SNPH: variants seen among roughly 807,000 people sequenced by gnomAD.
SNPH encodes syntaphilin.
Under a neutral mutation model 36.8 loss-of-function variants are expected in SNPH, and 10 were observed. The ratio of observed to expected loss-of-function variants is 0.27; its 90% CI spans 0.17 to 0.46. The LOEUF is 0.46. SNPH is among the 20% of genes least tolerant of loss of function. The pLI is 1.00. For missense variants in SNPH, 622 were observed against 744.0 expected (o/e 0.84, Z 1.91); for synonymous variants, 281 against 312.2 (o/e 0.90, Z 1.05).
chr20:1,303,059 A>C (rs981616928), intron 6 of SNPH, among the ~76,000 whole-genome samples: 7 of 152,228 alleles, frequency 4.6e-5, no homozygotes, highest in Non-Finnish European at 1.5e-5. Context: ...CTCCCTGGTC[A>C]CTGTCTGCCT....
At chr20:1,298,242 C>T (rs937685641) in intron 5 of SNPH, among the ~76,000 whole-genome samples, 4 of 152,186 alleles carry the variant, frequency 2.6e-5, no homozygotes, top group African/African-American at 7.2e-5. Flanking sequence ...ATCTACACAC[C>T]GCCTGTGCAT....
rs980687232 is a variant in SNPH at position 1,285,304 on chromosome 20, G to T, written c.-492-9647G>T. ...TCCTGTTGTTTGGTAGACAATGACC[G>T]GTTTAGGGTTTTTCTTTCCTTTTCT... On this transcript the variant is annotated intron_variant, in intron 2 of 6. Coordinates refer to ENST00000381867, the MANE Select transcript of SNPH (RefSeq NM_001318234.2). The surrounding 1 kb of genome is among the most constrained non-coding windows in gnomAD (Gnocchi z 4.9). 1.3e-5 allele frequency among the ~76,000 whole-genome samples: 2 copies of T among 152,150 alleles called. No individual in the cohort carries two copies. Among genetic ancestry groups the T allele is most frequent in the East Asian group, 3.9e-4 (2 of 5,194 alleles).
chr20:1,302,782 T>C (rs1263391751), intron 6 of SNPH, among the ~76,000 whole-genome samples: 1 of 152,214 alleles, frequency 6.6e-6, no homozygotes, highest in Non-Finnish European at 1.5e-5. Flanking sequence ...CCAATCCGGT[T>C]TGGATTTGTT....
At position 1,305,553 on chromosome 20, in the gene SNPH, C is replaced by T. The variant is rs766055631; in HGVS notation, c.1116C>T (p.Ile372=). 1.2e-6 allele frequency: 2 copies of T among 1,613,442 alleles called. No homozygotes were observed. Among genetic ancestry groups the T allele is most frequent in the East Asian group, 2.2e-5 (1 of 44,896 alleles). ...FVQYQPDLDT[I]LEKVTQAQVC... ...AGTACCAGCCTGACCTTGACACCAT[C>T]CTGGAGAAAGTGACCCAGGCCCAGG... Residue 372 remains isoleucine, a synonymous_variant, in exon 7 of 7, where the codon ATC becomes ATT. Transcript: ENST00000381867.
intron 2 of SNPH, among the ~76,000 whole-genome samples, chr20:1,275,999 C>T (rs1377601005): frequency 6.6e-6 from 1 of 152,226 alleles, no homozygotes; most frequent in African/African-American, 2.4e-5. Flanking sequence ...AGGGGACCCA[C>T]TTCCAACTCC....
chr20:1,306,352 C>G lies in SNPH; in HGVS notation c.*298C>G. ...CGGCCCCTCTGTCCCCTTGGCTCTTCAGACAGGGCCAGCCCTGCTCAGGAA... is the reference window on the plus strand; with the variant it reads ...CGGCCCCTCTGTCCCCTTGGCTCTTGAGACAGGGCCAGCCCTGCTCAGGAA... On this transcript the variant is annotated 3_prime_UTR_variant, in exon 7 of 7. Transcript: ENST00000381867. The G allele has an allele frequency of 3.2e-6, 1 of 312,892 alleles. No homozygotes were observed. Among genetic ancestry groups the G allele is most frequent in the South Asian group, 9.5e-5 (1 of 10,512 alleles). 19.4% of individuals were successfully genotyped at this position (312,892 alleles called of 1,614,324 possible). A position where few individuals can be genotyped will look rare whatever the true frequency, so the allele number is the denominator to read the frequency against.
intron 2 of SNPH, among the ~76,000 whole-genome samples, chr20:1,289,417 C>G (rs900276152): frequency 2.0e-5 from 3 of 152,054 alleles, no homozygotes; most frequent in Non-Finnish European, 2.9e-5. Flanking sequence ...GGCTCTTGCT[C>G]CCCTTCTGCT....
At position 1,304,357 on chromosome 20, in the gene SNPH, C is replaced by T. The variant is rs550459214; in HGVS notation, c.441-521C>T. Among the ~76,000 whole-genome samples, 57 of 152,248 alleles carry T rather than the reference C, an allele frequency of 3.7e-4. No individual in the cohort carries two copies. The highest frequency in any genetic ancestry group is 6.9e-4 in the Non-Finnish European group (47 of 68,022). On this transcript the variant is annotated intron_variant, in intron 6 of 6. Coordinates refer to ENST00000381867, the MANE Select transcript of SNPH (RefSeq NM_001318234.2). This position sits in a 1 kb window ranked among gnomAD's most constrained non-coding sequence, Gnocchi z 4.3. ...ACATTGAAAGCTGTCATTTCTCTCC[C>T]CTGGGGTCTCTGGCCAAATATTCCT...
chr20:1,294,659 C>A lies in SNPH; in HGVS notation c.-492-292C>A, dbSNP rs1171974004. 6.6e-6 allele frequency among the ~76,000 whole-genome samples: 1 copy of A among 152,230 alleles called. No individual in the cohort carries two copies. Among genetic ancestry groups the A allele is most frequent in the African/African-American group, 2.4e-5 (1 of 41,466 alleles). On this transcript the variant is annotated intron_variant, in intron 2 of 6. Transcript: ENST00000381867. The surrounding 1 kb of genome is among the most constrained non-coding windows in gnomAD (Gnocchi z 4.4). The stretch of plus-strand genomic sequence containing the variant: ...ACCCTCCAGGGGAACAGGCTGTGTT[C>A]TATGTCCCCGCCAGGAAACAGGCCA...
rs1161916181 is a variant in SNPH at position 1,294,219 on chromosome 20, T to G, written c.-492-732T>G. On this transcript the variant is annotated intron_variant, in intron 2 of 6. Transcript: ENST00000381867. This position sits in a 1 kb window ranked among gnomAD's most constrained non-coding sequence, Gnocchi z 4.4. The stretch of plus-strand genomic sequence containing the variant: ...AACAAAGCCGGCCTTGAAGGATTGC[T>G]GCTTCAAGTAATGGGCCAAGGCAGA... Among the ~76,000 whole-genome samples the G allele has an allele frequency of 2.0e-5, 3 of 152,218 alleles. No homozygotes were observed. The highest frequency in any genetic ancestry group is 4.4e-5 in the Non-Finnish European group (3 of 68,038).
rs2088004412 is a variant in SNPH, at chr20:1,266,414, C to T, written c.-600+17C>T. 6.4e-6 allele frequency: 3 copies of T among 467,778 alleles called. No homozygotes were observed. In the South Asian group the frequency reaches 1.2e-4, roughly 18 times the overall value. 29.0% of individuals were successfully genotyped at this position (467,778 alleles called of 1,614,324 possible). On this transcript the variant is annotated intron_variant, in intron 1 of 6. Coordinates refer to ENST00000381867, the MANE Select transcript of SNPH (RefSeq NM_001318234.2). This position sits in a 1 kb window ranked among gnomAD's most constrained non-coding sequence, Gnocchi z 6.0. Reference sequence around the variant, plus strand: ...CCTCCGCAGGTGATGACAAGGACCCCGGGGATCTCCGGGCCCACCGCCCAG... The same window carrying T: ...CCTCCGCAGGTGATGACAAGGACCCTGGGGATCTCCGGGCCCACCGCCCAG...
intron 5 of SNPH, among the ~76,000 whole-genome samples, chr20:1,299,726 G>A (rs1205626952): frequency 6.6e-6 from 1 of 152,228 alleles, no homozygotes; most frequent in African/African-American, 2.4e-5. Context: ...CCCCGGAGGT[G>A]AAAGTGTGAA....
At chr20:1,283,880 C>T (rs896326567) in intron 2 of SNPH, among the ~76,000 whole-genome samples, 2 of 152,190 alleles carry the variant, frequency 1.3e-5, no homozygotes, top group East Asian at 1.9e-4. Flanking sequence ...CCCCCAGGCT[C>T]GCCTTTGCCC....
intron 4 of SNPH, 41 bp downstream of exon 4, chr20:1,296,462 G>A (rs1335689670): frequency 7.1e-6 from 11 of 1,550,648 alleles, no homozygotes; most frequent in South Asian, 3.6e-5. Context: ...TTCGGAGGGC[G>A]GGAGGAGGGC....
chr20:1,304,500 T>C lies in SNPH; in HGVS notation c.441-378T>C, dbSNP rs1430256737. On this transcript the variant is annotated intron_variant, in intron 6 of 6. Coordinates refer to ENST00000381867, the MANE Select transcript of SNPH (RefSeq NM_001318234.2). The surrounding 1 kb of genome is among the most constrained non-coding windows in gnomAD (Gnocchi z 4.3). ...TCACATTAAGATTTTATTAGGTTTT[T>C]ATAGCAGTAGCTATAAAACTTATGA... 1.3e-5 allele frequency among the ~76,000 whole-genome samples: 2 copies of C among 152,114 alleles called. No individual in the cohort carries two copies. Among genetic ancestry groups the C allele is most frequent in the Non-Finnish European group, 1.5e-5 (1 of 68,016 alleles).
chr20:1,288,193 T>C (rs1192930260), intron 2 of SNPH, among the ~76,000 whole-genome samples: 1 of 152,196 alleles, frequency 6.6e-6, no homozygotes, highest in African/African-American at 2.4e-5. Context: ...AAGAATTATT[T>C]CTGAAGAAGG....
intron 2 of SNPH, among the ~76,000 whole-genome samples, chr20:1,289,849 TA>T (rs2088335430): frequency 1.3e-5 from 2 of 151,870 alleles, no homozygotes; most frequent in Non-Finnish European, 2.9e-5. Context: ...ATTAAATATA[TA>T]TCACATGTAT....
intron 6 of SNPH, among the ~76,000 whole-genome samples, chr20:1,302,734 A>G (rs1468261009): frequency 1.3e-5 from 2 of 152,260 alleles, no homozygotes; most frequent in African/African-American, 4.8e-5. Flanking sequence ...CGCTGTATGC[A>G]TGACCACATC....
intron 6 of SNPH, among the ~76,000 whole-genome samples, chr20:1,302,839 A>G (rs1188563102): frequency 6.6e-6 from 1 of 152,222 alleles, no homozygotes; most frequent in Non-Finnish European, 1.5e-5. Context: ...AGCGAGCTTC[A>G]TTGTCGGCAG....
Sources: allele counts gnomAD v4.1 joint callset (sites outside exome capture counted in the v4.1 genomes callset), GRCh38; gene constraint gnomAD v4.1.1; non-coding constraint Gnocchi (gnomAD v3.1); transcripts MANE v1.5; gene names NCBI Gene and HGNC (gene_info 2026-07-23, HGNC 2026-07-21).